Variants in ANKS1B observed in about 807,000 individuals in gnomAD.
The protein encoded by ANKS1B is ankyrin repeat and sterile alpha motif domain-containing protein 1B.
In ANKS1B, 36 loss-of-function variants were observed where a neutral mutation model predicts 148.3. The ratio of observed to expected loss-of-function variants is 0.24; its 90% CI spans 0.19 to 0.32. The LOEUF (loss-of-function observed/expected upper bound fraction) is 0.32, where lower values mean the gene tolerates loss of function less well. Ranked by LOEUF, ANKS1B falls within the 10% of genes least tolerant of loss-of-function variation. ANKS1B has a pLI of 1.00. For synonymous variants in ANKS1B, 542 were observed against 560.8 expected, an observed-to-expected ratio of 0.97 and a Z score of 0.47; for missense variants, 1,157 against 1,542.6, an observed-to-expected ratio of 0.75 and a Z score of 4.19.
intron 12 of ANKS1B, among the ~76,000 whole-genome samples, chr12:99,264,889 G>A (rs1159437406): frequency 6.6e-6 from 1 of 152,074 alleles, no homozygotes; most frequent in Non-Finnish European, 1.5e-5. Flanking sequence ...TAGTACAAAT[G>A]TGCCTCCTGC....
chr12:99,593,771 G>A (rs968384541), intron 9 of ANKS1B, among the ~76,000 whole-genome samples: 2 of 152,020 alleles, frequency 1.3e-5, no homozygotes, highest in African/African-American at 4.8e-5. Context: ...ATTAGGTTGT[G>A]ACAATAGCAT....
intron 17 of ANKS1B, among the ~76,000 whole-genome samples, chr12:98,835,631 C>T (rs1235809221): frequency 6.6e-6 from 1 of 152,180 alleles, no homozygotes; most frequent in Admixed American, 6.6e-5. Flanking sequence ...ATCGCTTAAT[C>T]TTCAATAGGA....
chr12:99,733,927 C>T (rs2059392190), intron 8 of ANKS1B, among the ~76,000 whole-genome samples: 1 of 152,186 alleles, frequency 6.6e-6, no homozygotes, highest in Non-Finnish European at 1.5e-5. Flanking sequence ...TGCCTTGACT[C>T]CATTACAAGG....
intron 15 of ANKS1B, among the ~76,000 whole-genome samples, chr12:99,108,844 G>A (rs1268484062): frequency 1.1e-4 from 17 of 152,120 alleles, no homozygotes; most frequent in Non-Finnish European, 5.9e-5. Flanking sequence ...TTCTTCTTTA[G>A]GGCATTTCGG....
chr12:99,442,258 G>A (rs1300859854), intron 11 of ANKS1B, among the ~76,000 whole-genome samples: 3 of 151,820 alleles, frequency 2.0e-5, no homozygotes, highest in African/African-American at 7.3e-5. Flanking sequence ...TAGAACTCCT[G>A]GGCTCAAGGT....
At chr12:99,326,672 T>C (rs1787480225) in intron 12 of ANKS1B, among the ~76,000 whole-genome samples, 1 of 152,056 alleles carries the variant, frequency 6.6e-6, no homozygotes, top group Non-Finnish European at 1.5e-5. Context: ...ATGGAGCTTA[T>C]GTTGAGAAAG....
chr12:99,922,379 T>C (rs1454221033), intron 1 of ANKS1B, among the ~76,000 whole-genome samples: 1 of 152,032 alleles, frequency 6.6e-6, no homozygotes, highest in Non-Finnish European at 1.5e-5. Flanking sequence ...CAAGACTCAA[T>C]AAATATGGTT....
chr12:99,944,935 G>A (rs2095023221), intron 1 of ANKS1B, among the ~76,000 whole-genome samples: 1 of 152,088 alleles, frequency 6.6e-6, no homozygotes, highest in Non-Finnish European at 1.5e-5. Context: ...ATGGGGATGG[G>A]GAGAGGTAGC....
intron 17 of ANKS1B, among the ~76,000 whole-genome samples, chr12:99,011,889 T>G (rs1468812943): frequency 6.6e-6 from 1 of 152,198 alleles, no homozygotes. Context: ...TACATTTGCT[T>G]GTGGAAGTGG....
chr12:99,051,505 G>A (rs972222938), intron 17 of ANKS1B, among the ~76,000 whole-genome samples: 1 of 152,192 alleles, frequency 6.6e-6, no homozygotes, highest in Non-Finnish European at 1.5e-5. Flanking sequence ...ATGTATGGAA[G>A]GTACCCCTTT....
At chr12:99,115,738 C>T (rs2061227248) in intron 15 of ANKS1B, among the ~76,000 whole-genome samples, 1 of 152,038 alleles carries the variant, frequency 6.6e-6, no homozygotes, top group African/African-American at 2.4e-5. Flanking sequence ...TGAGACCAGC[C>T]TGACTAACAT....
At chr12:98,902,821 C>T (rs920045547) in intron 17 of ANKS1B, among the ~76,000 whole-genome samples, 2 of 152,194 alleles carry the variant, frequency 1.3e-5, no homozygotes, top group Admixed American at 1.3e-4. Flanking sequence ...CACCCTAGTA[C>T]AAATTCATAA....
At chr12:99,214,716 T>A in intron 14 of ANKS1B, among the ~76,000 whole-genome samples, 2 of 152,226 alleles carry the variant, frequency 1.3e-5, no homozygotes, top group South Asian at 4.1e-4. Flanking sequence ...TTAAGACACC[T>A]AAAAATGTGG....
chr12:99,884,702 G>T (rs1287167561), intron 1 of ANKS1B, among the ~76,000 whole-genome samples: 1 of 151,962 alleles, frequency 6.6e-6, no homozygotes, highest in Non-Finnish European at 1.5e-5. Context: ...AAAAAAACAG[G>T]GACAGAGAAA....
intron 9 of ANKS1B, among the ~76,000 whole-genome samples, chr12:99,603,936 T>C (rs2097827686): frequency 6.6e-6 from 1 of 152,130 alleles, no homozygotes; most frequent in Non-Finnish European, 1.5e-5. Flanking sequence ...GTGGAAATTC[T>C]TACCTAGTCC....
At chr12:99,171,962 T>C (rs1000757657) in intron 14 of ANKS1B, among the ~76,000 whole-genome samples, 1 of 152,106 alleles carries the variant, frequency 6.6e-6, no homozygotes, top group Non-Finnish European at 1.5e-5. Context: ...ATCAGTATTA[T>C]ATTAAAGATG....
intron 9 of ANKS1B, among the ~76,000 whole-genome samples, chr12:99,558,195 G>A (rs946426910): frequency 2.0e-5 from 3 of 152,116 alleles, no homozygotes; most frequent in South Asian, 2.1e-4. Context: ...GTGGAGTGGC[G>A]GTATTCGTAT....
At chr12:99,107,664 C>T (rs772999671) in intron 15 of ANKS1B, among the ~76,000 whole-genome samples, 6 of 152,172 alleles carry the variant, frequency 3.9e-5, no homozygotes, top group African/African-American at 1.2e-4. Flanking sequence ...ATCCAGAAAT[C>T]GCCCGGCCTG....
At chr12:99,092,138 G>A (rs545977308) in intron 15 of ANKS1B, among the ~76,000 whole-genome samples, 6 of 152,180 alleles carry the variant, frequency 3.9e-5, no homozygotes, top group African/African-American at 1.2e-4. Context: ...AGGGACCTGG[G>A]GGGTTTCTAG....
Sources: gnomAD v4.1 joint callset for allele counts (sites outside exome capture counted in the v4.1 genomes callset) on GRCh38, gnomAD v4.1.1 for gene constraint, MANE v1.5 for transcripts, NCBI Gene and HGNC (gene_info 2026-07-23, HGNC 2026-07-21) for gene names.